The following POMT1 variants were observed in gnomAD, a reference collection of about 807,000 sequenced individuals.
The protein encoded by POMT1 is protein O-mannosyltransferase 1.
POMT1 carries 85 observed loss-of-function variants against 101.6 expected under a neutral mutation model. The observed-to-expected ratio is 0.84, with a 90% CI of 0.70 to 1.00. The LOEUF is 1.00. Among genes scored for constraint, POMT1 ranks in the 50% least tolerant of loss-of-function variants. The pLI is 0.00. For missense variants in POMT1, 857 were observed against 930.4 expected, an observed-to-expected ratio of 0.92 and a Z score of 1.03; for synonymous variants, 371 against 383.0, an observed-to-expected ratio of 0.97 and a Z score of 0.37.
chr9:131,511,445 C>T lies in POMT1; in HGVS notation c.964C>T (p.His322Tyr). 6.2e-7 allele frequency: 1 copy of T among 1,614,182 alleles called. No homozygotes were observed. The highest frequency in any genetic ancestry group is 8.5e-7 in the Non-Finnish European group (1 of 1,180,016). The stretch of plus-strand genomic sequence containing the variant: ...ACCTGTGCCCTGCTGGCTTCATTCC[C>T]ACCAGGACACCTACCCCATGATGTA... ...GKPVPCWLHS[H>Y]QDTYPMIYEN... is the part of the protein sequence containing the mutation. The change falls in exon 10 of 20, where the codon CAC becomes TAC. Residue 322 changes from histidine to tyrosine, a missense_variant. Physicochemically the swap from His to Tyr is moderately conservative, Grantham distance 83. Transcript: ENST00000402686.
rs1949621328 is a variant in POMT1 at position 131,520,140 on chromosome 9, G to A, written c.1645G>A (p.Glu549Lys). The change falls in exon 17 of 20, where the codon GAG (glutamate) becomes AAG (lysine). Residue 549 changes from glutamate (E) to lysine (K), a missense_variant. By Grantham distance (56) the Glu-to-Lys change is moderately conservative. Transcript: ENST00000402686. Reference protein sequence around the residue: ...SEHKYSSSPLEWVTLDTNIAY... With the variant: ...SEHKYSSSPLKWVTLDTNIAY... ...ACACAAGTACAGCTCCAGCCCACTG[G>A]AGTGGGTCACCCTGGACACCAATAT... The A allele has an allele frequency of 5.6e-6, 9 of 1,613,744 alleles. No individual in the cohort carries two copies. The highest frequency in any genetic ancestry group is 1.3e-5 in the African/African-American group (1 of 74,942).
chr9:131,515,733 A>AAC lies in POMT1; in HGVS notation c.1272+213_1272+214dup, dbSNP rs111320093. Among the ~76,000 whole-genome samples the AAC allele has an allele frequency of 3.4e-3, 279 of 81,016 alleles. 7 individuals carry two copies. Among genetic ancestry groups the AAC allele is most frequent in the Non-Finnish European group, 4.7e-3 (174 of 36,662 alleles). 53.1% of individuals were successfully genotyped at this position (81,016 alleles called of 152,430 possible). ...CTTCCTCACACGGAGCACTTCCTGTAACAGGACACTTCCTCACACGGAGCA... is the reference window on the plus strand; with the variant it reads ...CTTCCTCACACGGAGCACTTCCTGTAACACAGGACACTTCCTCACACGGAGCA... On this transcript the variant is annotated intron_variant, in intron 13 of 19. Coordinates refer to ENST00000402686, the MANE Select transcript of POMT1 (RefSeq NM_001077365.2).
chr9:131,504,757 G>A (rs377548408), intron 2 of POMT1, among the ~76,000 whole-genome samples: 13 of 131,394 alleles, frequency 9.9e-5, no homozygotes, highest in African/African-American at 3.6e-4. Context: ...ATGTGTGTAT[G>A]TGTGTGTGTG....
rs1949877834 is a variant in POMT1 at position 131,521,362 on chromosome 9, T to G, written c.1715T>G (p.Leu572Arg). The G allele has an allele frequency of 6.2e-7, 1 of 1,614,174 alleles. No individual in the cohort carries two copies. Residue 572 changes from leucine to arginine, a missense_variant, in exon 18 of 20, where the codon CTT (leucine) becomes CGT (arginine). Leu to Arg is a moderately radical substitution (Grantham distance 102, BLOSUM62 -2). Coordinates refer to ENST00000402686, the MANE Select transcript of POMT1 (RefSeq NM_001077365.2). ...HPRTSAQIHL[L>R]GNIVIWVSGS... ...TTCCCTTAGGCTCAGATCCACCTAC[T>G]TGGAAACATAGTGATCTGGGTTTCG...
intron 5 of POMT1, 86 bp from the exon 6 acceptor site, chr9:131,508,825 T>C: frequency 1.1e-6 from 1 of 923,982 alleles, no homozygotes; most frequent in Admixed American, 1.8e-5. Context: ...GCTTCTGAAG[T>C]AATGCCTTTT....
At chr9:131,506,262 C>T (rs775181518) in intron 3 of POMT1, 42 bp downstream of exon 3, 1 of 1,595,846 alleles carries the variant, frequency 6.3e-7, no homozygotes. Flanking sequence ...TTCAGGACCT[C>T]AAATACATTT....
chr9:131,515,992 G>A (rs1199819410), intron 13 of POMT1, among the ~76,000 whole-genome samples: 1 of 48,908 alleles, frequency 2.0e-5, no homozygotes, highest in African/African-American at 6.4e-5. Context: ...ACACTCACAC[G>A]GAGCACTTCC....
chr9:131,518,599 C>G, intron 14 of POMT1, 62 bp downstream of exon 14: 1 of 1,507,352 alleles, frequency 6.6e-7, no homozygotes, highest in Non-Finnish European at 9.2e-7. Flanking sequence ...GTTTCCCAAG[C>G]CCCTCAGGCT....
rs948060756 is a variant in POMT1, at chr9:131,514,634, G to A, written c.1176-792G>A. 1.9e-4 allele frequency among the ~76,000 whole-genome samples: 29 copies of A among 152,220 alleles called. 1 individual carries two copies. The highest frequency in any genetic ancestry group is 7.0e-4 in the African/African-American group (29 of 41,456). Reference sequence around the variant, plus strand: ...CCAGGTGCATGGTGCGGTACCACATGGTTACTGAGTGTGTGGATTAAGAGG... The same window carrying A: ...CCAGGTGCATGGTGCGGTACCACATAGTTACTGAGTGTGTGGATTAAGAGG... On this transcript the variant is annotated intron_variant, in intron 12 of 19. Transcript: ENST00000402686.
rs1946848548 is a variant in POMT1, at chr9:131,510,366, C to T, written c.806C>T (p.Ser269Phe). The change falls in exon 9 of 20, where the codon TCT becomes TTT. Residue 269 changes from serine (S) to phenylalanine (F), a missense_variant. Coordinates refer to ENST00000402686, the MANE Select transcript of POMT1 (RefSeq NM_001077365.2). ...FYVHLILVFR[S>F]GPHDQIMSSA... ...GTCCACTTGATTCTAGTCTTCCGCT[C>T]TGGGCCCCACGACCAAATCATGTCC... 1 of 1,614,096 alleles carries T rather than the reference C, an allele frequency of 6.2e-7. No individual in the cohort carries two copies. Among genetic ancestry groups the T allele is most frequent in the African/African-American group, 1.3e-5 (1 of 74,936 alleles).
In POMT1 at chr9:131,504,227, AT is replaced by A; in HGVS notation, c.14del (p.Leu5Ter). Reference sequence around the variant, plus strand: ...GCCCGCTTTTCTACAAGATGTGGGGATTTTTGAAGCGCCCTGTAGTGGTGAC... The same window carrying A: ...GCCCGCTTTTCTACAAGATGTGGGGATTTTGAAGCGCCCTGTAGTGGTGAC... MWGFLKRPVVVTAD... is the reference protein window; with the variant it reads MWGXLKRPVVVTAD... On this transcript the variant is annotated frameshift_variant, in exon 2 of 20. Coordinates refer to ENST00000402686, the MANE Select transcript of POMT1 (RefSeq NM_001077365.2). LOFTEE classifies it high-confidence loss of function. 6.2e-7 allele frequency: 1 copy of A among 1,613,882 alleles called. No individual in the cohort carries two copies. Among genetic ancestry groups the A allele is most frequent in the Non-Finnish European group, 8.5e-7 (1 of 1,179,984 alleles).
intron 18 of POMT1, 68 bp from the exon 19 acceptor site, chr9:131,521,976 AAAG>A: frequency 6.2e-7 from 1 of 1,605,306 alleles, no homozygotes; most frequent in Non-Finnish European, 8.5e-7. Context: ...TCTCTCTAAA[AAAG>A]CAAAAGAGAG....
chr9:131,510,598 G>A (rs989897422), intron 9 of POMT1, 183 bp downstream of exon 9: 3 of 792,722 alleles, frequency 3.8e-6, no homozygotes, highest in African/African-American at 3.4e-5. Context: ...CCGCCTCCTG[G>A]CTTCAAGCGA....
rs915240482 is a variant in POMT1, at chr9:131,519,262, A to G, written c.1487-127A>G. The G allele has an allele frequency of 8.1e-6, 8 of 983,852 alleles. No individual in the cohort carries two copies. The highest frequency in any genetic ancestry group is 2.0e-5 in the Admixed American group (1 of 50,260). 60.9% of individuals were successfully genotyped at this position (983,852 alleles called of 1,614,324 possible). A position where few individuals can be genotyped will look rare whatever the true frequency, so the allele number is the denominator to read the frequency against. On this transcript the variant is annotated intron_variant, in intron 15 of 19. Transcript: ENST00000402686. The surrounding 1 kb of genome is among the most constrained non-coding windows in gnomAD (Gnocchi z 4.3). The stretch of plus-strand genomic sequence containing the variant: ...GTGGTGGGGAAAGCTAAGTGGAATG[A>G]TGCGGTTCGATAAGGGGTCTTTGTT...
At position 131,523,626 on chromosome 9, in the gene POMT1, T is replaced by C. The variant is rs1043056419; in HGVS notation, c.*520T>C. The C allele has an allele frequency of 1.9e-5, 4 of 205,900 alleles. No individual in the cohort carries two copies. The highest frequency in any genetic ancestry group is 4.0e-5 in the Non-Finnish European group (4 of 99,934). The allele number at this position is 205,900 out of a possible 1,614,324, so 12.8% of individuals were successfully genotyped here. A position where few individuals can be genotyped will look rare whatever the true frequency, so the allele number is the denominator to read the frequency against. ...GGGCTGGGGCTTGCATGTCATTGTC[T>C]ATGACAGCGTCAAGACTGGCCCTTG... On this transcript the variant is annotated 3_prime_UTR_variant, in exon 20 of 20. Transcript: ENST00000402686.
Position 131,523,475 on chromosome 9 carries a change from T to C in POMT1, c.*369T>C. ...CTAACTGCTGCAGGGTGGAGTTTGA[T>C]CTGGCAGACCCGATCCTCCTTCATG... On this transcript the variant is annotated 3_prime_UTR_variant, in exon 20 of 20. Transcript: ENST00000402686. 3.0e-6 allele frequency: 1 copy of C among 330,476 alleles called. No homozygotes were observed. The highest frequency in any genetic ancestry group is 5.9e-6 in the Non-Finnish European group (1 of 169,420). The allele number at this position is 330,476 out of a possible 1,614,324, so 20.5% of individuals were successfully genotyped here.
rs372187844 is a variant in POMT1 at position 131,520,097 on chromosome 9, G to C, written c.1602G>C (p.Leu534=). The C allele has an allele frequency of 2.5e-6, 4 of 1,613,650 alleles. No homozygotes were observed. Among genetic ancestry groups the C allele is most frequent in the Admixed American group, 3.3e-5 (2 of 60,008 alleles). Residue 534 remains leucine, a synonymous_variant, in exon 17 of 20, where the codon CTG becomes CTC. Coordinates refer to ENST00000402686, the MANE Select transcript of POMT1 (RefSeq NM_001077365.2). ...FSELQWRMLA[L]RSDDSEHKYS... ...TGTTCCAGTGGAGGATGCTGGCGCT[G>C]AGAAGTGATGACTCGGAACACAAGT... is the stretch of plus-strand genomic sequence containing the variant.
In POMT1 at chr9:131,519,278, G is replaced by C. The variant is rs1949416896; in HGVS notation, c.1487-111G>C. The C allele has an allele frequency of 1.9e-6, 2 of 1,079,802 alleles. No homozygotes were observed. The highest frequency in any genetic ancestry group is 4.0e-5 in the Admixed American group (2 of 50,406). 66.9% of individuals were successfully genotyped at this position (1,079,802 alleles called of 1,614,324 possible). On this transcript the variant is annotated intron_variant, in intron 15 of 19. Coordinates refer to ENST00000402686, the MANE Select transcript of POMT1 (RefSeq NM_001077365.2). The surrounding 1 kb of genome is among the most constrained non-coding windows in gnomAD (Gnocchi z 4.3). ...AGTGGAATGATGCGGTTCGATAAGG[G>C]GTCTTTGTTAGAAAGGCAGGAAGCC...
At chr9:131,514,593 C>T (rs1947879772) in intron 12 of POMT1, among the ~76,000 whole-genome samples, 1 of 152,230 alleles carries the variant, frequency 6.6e-6, no homozygotes, top group Admixed American at 6.5e-5. Context: ...AGCTGGGTGG[C>T]TGCTCCTAGA....
Sources: gnomAD v4.1 joint callset for allele counts (sites outside exome capture counted in the v4.1 genomes callset) on GRCh38, gnomAD v4.1.1 for gene constraint, Gnocchi (gnomAD v3.1) non-coding constraint, MANE v1.5 for transcripts, NCBI Gene and HGNC (gene_info 2026-07-23, HGNC 2026-07-21) for gene names.